The following CCDC141 variants were observed in gnomAD, a reference collection of about 807,000 sequenced individuals.
CCDC141 encodes the protein coiled-coil domain containing 141.
CCDC141 carries 168 observed loss-of-function variants against 181.0 expected under a neutral mutation model. That is an observed-to-expected ratio of 0.93 (90% CI 0.82 to 1.05). CCDC141 has a LOEUF of 1.05. CCDC141 is among the 50% of genes least tolerant of loss of function. The pLI, the probability that CCDC141 is intolerant of heterozygous loss-of-function variation, is 0.00. For missense variants in CCDC141, 1,902 were observed against 1,788.5 expected, an observed-to-expected ratio of 1.06 and a Z score of -1.14; for synonymous variants, 666 against 642.3, an observed-to-expected ratio of 1.04 and a Z score of -0.56.
chr2:178,829,527 G>A (rs1174180068), downstream of CCDC141, among the ~76,000 whole-genome samples: 1 of 152,196 alleles, frequency 6.6e-6, no homozygotes, highest in Non-Finnish European at 1.5e-5. Context: ...CAAAATCACA[G>A]CTGTGTGCTT....
At chr2:178,850,861 G>T (rs149508393) in intron 20 of CCDC141, among the ~76,000 whole-genome samples, 8 of 152,244 alleles carry the variant, frequency 5.3e-5, no homozygotes, top group Admixed American at 4.6e-4. Flanking sequence ...TGTAATCCTT[G>T]GATAGATTCT....
chr2:178,888,716 C>T (rs1473326426), intron 8 of CCDC141, 48 bp from the exon 9 acceptor site: 15 of 1,543,806 alleles, frequency 9.7e-6, no homozygotes, highest in Admixed American at 3.9e-5. Flanking sequence ...CAATATAGAA[C>T]ACAGAATATT....
At chr2:178,893,606 G>A (rs140276918) in intron 8 of CCDC141, among the ~76,000 whole-genome samples, 1,785 of 152,094 alleles carry the variant, frequency 0.012, 41 homozygotes, top group African/African-American at 0.039. Flanking sequence ...ATGGGAACCC[G>A]AAGAGTGTCT....
intron 6 of CCDC141, among the ~76,000 whole-genome samples, chr2:178,933,395 T>G (rs1689170714): frequency 6.6e-6 from 1 of 152,168 alleles, no homozygotes; most frequent in Admixed American, 6.6e-5. Flanking sequence ...ACAAATCCTC[T>G]TGGGGAATTT....
At chr2:178,826,965 AT>A (rs1684134974), downstream of CCDC141, among the ~76,000 whole-genome samples, 1 of 151,792 alleles carries the variant, frequency 6.6e-6, no homozygotes, top group South Asian at 2.1e-4. Context: ...ATGATTTTAG[AT>A]TTTTTTCTTT....
chr2:178,865,099 G>A (rs1172043003), intron 17 of CCDC141, among the ~76,000 whole-genome samples: 1 of 152,208 alleles, frequency 6.6e-6, no homozygotes, highest in Non-Finnish European at 1.5e-5. Flanking sequence ...AGGTGTTGTG[G>A]ATTTGTTACA....
chr2:179,021,571 C>T (rs2154385820), intron 2 of CCDC141, among the ~76,000 whole-genome samples: 1 of 152,284 alleles, frequency 6.6e-6, no homozygotes, highest in South Asian at 2.1e-4. Context: ...TTTTCAGGGG[C>T]TCCTGTGCTA....
At position 179,004,084 on chromosome 2, in the gene CCDC141, T is replaced by G. The variant is rs953991738; in HGVS notation, c.226-25409A>C. ...TTGTATAAAGTCCAAGTCTTGGCAT[T>G]TGGGGCTTCATAGTAAATACAATTA... On this transcript the variant is annotated intron_variant, in intron 2 of 23. Transcript: ENST00000443758. Among the ~76,000 whole-genome samples the G allele has an allele frequency of 1.1e-4, 17 of 152,304 alleles. 1 individual carries two copies. Among genetic ancestry groups the G allele is most frequent in the South Asian group, 6.2e-4 (3 of 4,802 alleles).
intron 6 of CCDC141, among the ~76,000 whole-genome samples, chr2:178,925,196 AGCT>A (rs1333322092): frequency 1.3e-5 from 2 of 152,232 alleles, no homozygotes; most frequent in Non-Finnish European, 2.9e-5. Context: ...TCTGAGTATT[AGCT>A]GCTGCTTTCT....
chr2:179,035,145 A>G (rs1270017116), intron 2 of CCDC141, among the ~76,000 whole-genome samples: 1 of 152,042 alleles, frequency 6.6e-6, no homozygotes, highest in African/African-American at 2.4e-5. Context: ...TCTATCAAGA[A>G]ACTATATCAG....
At chr2:178,866,693 TTTGTTG>T (rs202184534) in intron 16 of CCDC141, among the ~76,000 whole-genome samples, 6 of 151,994 alleles carry the variant, frequency 3.9e-5, no homozygotes, top group South Asian at 4.1e-4. Flanking sequence ...TTTGTTTTGT[TTTGTTG>T]TTGTTGTTGT....
downstream of CCDC141, among the ~76,000 whole-genome samples, chr2:178,825,718 T>A (rs759610315): frequency 6.1e-5 from 9 of 147,580 alleles, no homozygotes; most frequent in Non-Finnish European, 8.9e-5. Context: ...GCAACCAACA[T>A]ATGGAAAAGG....
At chr2:179,015,873 CATATGTATCAT>C (rs1559050841) in intron 2 of CCDC141, among the ~76,000 whole-genome samples, 1 of 118,948 alleles carries the variant, frequency 8.4e-6, no homozygotes, top group East Asian at 2.8e-4. Context: ...ATATATATCT[CATATGTATCAT>C]ATATATCTCA....
the CCDC141 span, among the ~76,000 whole-genome samples, chr2:178,820,903 A>G: frequency 6.6e-6 from 1 of 152,296 alleles, no homozygotes; most frequent in South Asian, 2.1e-4. Flanking sequence ...GTATCTATCT[A>G]TGAAGTTCCT....
chr2:178,852,697 T>C (rs540031349), intron 20 of CCDC141, among the ~76,000 whole-genome samples: 1 of 152,298 alleles, frequency 6.6e-6, no homozygotes, highest in Admixed American at 6.5e-5. Context: ...TGTGTCTTCT[T>C]TCTGGGCTGC....
the CCDC141 span, among the ~76,000 whole-genome samples, chr2:178,816,850 G>A: frequency 0.048 from 7,367 of 152,228 alleles, 359 homozygotes; most frequent in South Asian, 0.16. Context: ...AACTTTAAAC[G>A]TGGCTCCTGG....
At chr2:178,959,486 T>C (rs1690302975) in intron 5 of CCDC141, among the ~76,000 whole-genome samples, 1 of 152,072 alleles carries the variant, frequency 6.6e-6, no homozygotes, top group South Asian at 2.1e-4. Flanking sequence ...ACAAAGAACT[T>C]TGGAAACAGT....
chr2:178,848,486 G>A (rs150532732), intron 21 of CCDC141, among the ~76,000 whole-genome samples: 7 of 152,290 alleles, frequency 4.6e-5, no homozygotes, highest in Non-Finnish European at 1.0e-4. Context: ...CAGGTTGAGC[G>A]TGAGAAAGAG....
intron 22 of CCDC141, among the ~76,000 whole-genome samples, chr2:178,843,413 G>A (rs986951999): frequency 1.3e-5 from 2 of 152,150 alleles, no homozygotes; most frequent in Non-Finnish European, 2.9e-5. Context: ...ACGACTTTAG[G>A]TGAGTCTGTT....
Sources: gnomAD v4.1 joint callset for allele counts (sites outside exome capture counted in the v4.1 genomes callset) on GRCh38, gnomAD v4.1.1 for gene constraint, MANE v1.5 for transcripts, NCBI Gene and HGNC (gene_info 2026-07-23, HGNC 2026-07-21) for gene names.